The following TANGO2 variants were observed in gnomAD, a reference collection of about 807,000 sequenced individuals.
TANGO2 encodes transport and Golgi organization protein 2 homolog.
In TANGO2, 26 loss-of-function variants were observed where a neutral mutation model predicts 39.1. That is an observed-to-expected ratio of 0.67 (90% CI 0.49 to 0.92). The LOEUF (loss-of-function observed/expected upper bound fraction) is 0.92. Among genes scored for constraint, TANGO2 ranks in the 40% least tolerant of loss-of-function variants. TANGO2 has a pLI of 0.00. For synonymous variants in TANGO2, 131 were observed against 144.5 expected, an observed-to-expected ratio of 0.91 and a Z score of 0.67; for missense variants, 326 against 360.1, an observed-to-expected ratio of 0.91 and a Z score of 0.77.
At chr22:20,037,518 C>G (rs1395222735) in intron 2 of TANGO2, among the ~76,000 whole-genome samples, 2 of 152,160 alleles carry the variant, frequency 1.3e-5, no homozygotes, top group Admixed American at 6.5e-5. Flanking sequence ...AAATCTGTAC[C>G]AGAAATGATT....
rs201345851 is a variant in TANGO2, at chr22:20,036,795, C to A, written c.-4C>A. 3.0e-5 allele frequency: 49 copies of A among 1,614,114 alleles called. No individual in the cohort carries two copies. The highest frequency in any genetic ancestry group is 1.6e-4 in the Middle Eastern group (1 of 6,084). ...CTGTGTCAGCAGAGCCGCCCTGCAC[C>A]ACCATGTGCATCATCTTCTTTAAGT... On this transcript the variant is annotated 5_prime_UTR_variant, in exon 2 of 9. Transcript: ENST00000327374.
intron 1 of TANGO2, among the ~76,000 whole-genome samples, chr22:20,022,697 C>T (rs558811235): frequency 2.4e-4 from 37 of 152,378 alleles, no homozygotes; most frequent in Admixed American, 2.4e-3. Context: ...CCGGCTTCTG[C>T]GCCAGACGGC....
intron 1 of TANGO2, among the ~76,000 whole-genome samples, chr22:20,033,971 C>T (rs2042354424): frequency 2.0e-5 from 3 of 152,242 alleles, no homozygotes; most frequent in Admixed American, 6.5e-5. Flanking sequence ...TTTGGGAGGC[C>T]GAGGTGGGTG....
chr22:20,032,166 G>A (rs1467772069), intron 1 of TANGO2, among the ~76,000 whole-genome samples: 1 of 152,214 alleles, frequency 6.6e-6, no homozygotes, highest in Non-Finnish European at 1.5e-5. Context: ...TGGCAGCCAG[G>A]TTTTGCGTCA....
upstream of TANGO2, among the ~76,000 whole-genome samples, chr22:20,018,515 A>G (rs1945361194): frequency 1.3e-5 from 2 of 152,136 alleles, no homozygotes; most frequent in African/African-American, 4.8e-5. Context: ...ATAGTCCTGC[A>G]CCACCCCCTC....
chr22:20,039,312 A>G (rs976476620), intron 2 of TANGO2, among the ~76,000 whole-genome samples: 1 of 151,724 alleles, frequency 6.6e-6, no homozygotes. Context: ...TCACTTCATG[A>G]TGTCACCCTA....
chr22:20,040,007 G>A (rs750621040), intron 2 of TANGO2, among the ~76,000 whole-genome samples: 1 of 152,340 alleles, frequency 6.6e-6, no homozygotes, highest in South Asian at 2.1e-4. Flanking sequence ...GGACCTCACC[G>A]TGGTGGGTGC....
chr22:20,028,090 C>T (rs1245654640), intron 1 of TANGO2, among the ~76,000 whole-genome samples: 1 of 152,114 alleles, frequency 6.6e-6, no homozygotes. Context: ...TGAGCCACTG[C>T]ACCCTACCTT....
upstream of TANGO2, chr22:20,021,022 C>A (rs933916076): frequency 6.6e-6 from 1 of 151,812 alleles, no homozygotes; most frequent in Admixed American, 6.6e-5. Context: ...GCCGCCCCGC[C>A]CCTCGCTGCG....
rs373443690 is a variant in TANGO2, at chr22:20,039,586, G to A, written c.56+2732G>A. 2.8e-4 allele frequency among the ~76,000 whole-genome samples: 42 copies of A among 151,932 alleles called. No homozygotes were observed. In the South Asian group the frequency reaches 6.9e-3, roughly 25 times the overall value. On this transcript the variant is annotated intron_variant, in intron 2 of 8. Transcript: ENST00000327374. Reference sequence around the variant, plus strand: ...AGAGGTTACAGGGAACTGAGATAGCGCCACTGCACTCCAGCCTGGATGACA... The same window carrying A: ...AGAGGTTACAGGGAACTGAGATAGCACCACTGCACTCCAGCCTGGATGACA...
At chr22:20,059,960 A>ATTT (rs757459768) in intron 6 of TANGO2, among the ~76,000 whole-genome samples, 1 of 143,266 alleles carries the variant, frequency 7.0e-6, no homozygotes, top group Non-Finnish European at 1.5e-5. Flanking sequence ...TAAGTTAACT[A>ATTT]TTTTTTTTTT....
At chr22:20,025,475 C>T (rs1054737306) in intron 1 of TANGO2, among the ~76,000 whole-genome samples, 3 of 152,112 alleles carry the variant, frequency 2.0e-5, no homozygotes, top group East Asian at 3.9e-4. Flanking sequence ...CAGTGTCTGG[C>T]GTGACAGATT....
rs369778143 is a variant in TANGO2, at chr22:20,054,221, A to G, written c.380+670A>G. On this transcript the variant is annotated intron_variant, in intron 5 of 8. Coordinates refer to ENST00000327374, the MANE Select transcript of TANGO2 (RefSeq NM_152906.7). ...TGTGGCATGCCCAGCCCTGCCCCAC[A>G]TGGGTCTGCACACTTGCTATGGAGG... is the stretch of plus-strand genomic sequence containing the variant. 1.4e-3 allele frequency: 297 copies of G among 206,854 alleles called. 5 individuals are homozygous for G. The South Asian group carries it at 0.02, about 14-fold the overall frequency. 12.8% of individuals were successfully genotyped at this position (206,854 alleles called of 1,614,324 possible).
At chr22:20,047,443 C>T (rs1354607127) in intron 3 of TANGO2, among the ~76,000 whole-genome samples, 1 of 152,018 alleles carries the variant, frequency 6.6e-6, no homozygotes, top group African/African-American at 2.4e-5. Flanking sequence ...CCATGTTGGT[C>T]AGGCTGGTCT....
intron 4 of TANGO2, among the ~76,000 whole-genome samples, chr22:20,052,791 C>T (rs5993903): frequency 2.1e-4 from 32 of 151,918 alleles, no homozygotes; most frequent in African/African-American, 7.0e-4. Context: ...ACAGAGTGGG[C>T]GGTGACAAAG....
At chr22:20,044,013 A>G (rs1252715128) in intron 3 of TANGO2, among the ~76,000 whole-genome samples, 1 of 152,118 alleles carries the variant, frequency 6.6e-6, no homozygotes, top group African/African-American at 2.4e-5. Flanking sequence ...TACCAGCCTC[A>G]TTGAAGTCCT....
chr22:20,017,051 G>T (rs550527867), upstream of TANGO2: 3 of 152,148 alleles, frequency 2.0e-5, no homozygotes, highest in Non-Finnish European at 4.4e-5. Flanking sequence ...GGCGGCGGTG[G>T]CAGGGTACGC....
At chr22:20,020,431 C>T (rs2039485741), upstream of TANGO2, among the ~76,000 whole-genome samples, 1 of 151,980 alleles carries the variant, frequency 6.6e-6, no homozygotes, top group South Asian at 2.1e-4. Flanking sequence ...TGCCCACCTG[C>T]TCACCCTGCA....
intron 3 of TANGO2, 104 bp from the exon 4 acceptor site, chr22:20,052,361 C>A: frequency 6.7e-7 from 1 of 1,494,998 alleles, no homozygotes; most frequent in African/African-American, 1.4e-5. Flanking sequence ...CCTCGAGGAG[C>A]TTGAGGCAGG....
Sources: allele counts gnomAD v4.1 joint callset (sites outside exome capture counted in the v4.1 genomes callset), GRCh38; gene constraint gnomAD v4.1.1; transcripts MANE v1.5; gene names NCBI Gene and HGNC (gene_info 2026-07-23, HGNC 2026-07-21).